Variants in TTC28 observed in about 807,000 individuals in gnomAD.
TTC28 encodes tetratricopeptide repeat protein 28.
In TTC28, 61 loss-of-function variants were observed where a neutral mutation model predicts 198.0. The ratio of observed to expected loss-of-function variants is 0.31; its 90% CI spans 0.25 to 0.38. TTC28 has a LOEUF of 0.38. TTC28 is among the 10% of genes least tolerant of loss of function. The pLI, the probability that TTC28 is intolerant of heterozygous loss-of-function variation, is 1.00. For missense variants in TTC28, 2,678 were observed against 3,164.0 expected (o/e 0.85, Z 3.69); for synonymous variants, 1,171 against 1,297.8 (o/e 0.90, Z 2.10).
intron 12 of TTC28, among the ~76,000 whole-genome samples, chr22:28,087,414 A>G (rs1302308573): frequency 6.6e-6 from 1 of 152,212 alleles, no homozygotes; most frequent in Non-Finnish European, 1.5e-5. Flanking sequence ...CAAAAACCAC[A>G]TGATTATCTC....
In TTC28 at chr22:28,001,499, G is replaced by A; in HGVS notation, c.4273C>T (p.Leu1425=). 5.8e-6 allele frequency: 9 copies of A among 1,551,482 alleles called. No individual in the cohort carries two copies. Residue 1425 remains leucine, a synonymous_variant, in exon 15 of 23, where the codon CTG becomes TTG. Transcript: ENST00000397906. The stretch of plus-strand genomic sequence containing the variant: ...GGAATGAGGTAGAGCTCCCCCTCCA[G>A]AACCAGGATGAGCTGCCGGTGCCGG... The part of the protein sequence containing the change: ...VGRHRQLILV[L]EGELYLIPFA...
chr22:27,984,401 T>C (rs1023245696), intron 22 of TTC28, among the ~76,000 whole-genome samples: 2 of 152,090 alleles, frequency 1.3e-5, no homozygotes, highest in African/African-American at 2.4e-5. Context: ...CCAGAGTCCA[T>C]TGCTCAGTTC....
intron 13 of TTC28, among the ~76,000 whole-genome samples, chr22:28,021,801 T>C (rs758337382): frequency 1.3e-5 from 2 of 152,018 alleles, no homozygotes; most frequent in Non-Finnish European, 2.9e-5. Context: ...TCTGTCTAGA[T>C]ATAGGGCCAG....
intron 12 of TTC28, among the ~76,000 whole-genome samples, chr22:28,043,694 T>TC (rs1168645422): frequency 2.0e-5 from 3 of 152,156 alleles, no homozygotes; most frequent in African/African-American, 7.2e-5. Context: ...TTATTAGAAA[T>TC]CCCCCTCTTT....
At position 28,274,194 on chromosome 22, in the gene TTC28, A is replaced by T. The variant is rs374651224; in HGVS notation, c.933+22004T>A. On this transcript the variant is annotated intron_variant, in intron 5 of 22. Transcript: ENST00000397906. ...AAGAAACGCTAATGAGTTACTGGTAACTCCAGTTTCTGATATGCAGAGAGG... is the reference window on the plus strand; with the variant it reads ...AAGAAACGCTAATGAGTTACTGGTATCTCCAGTTTCTGATATGCAGAGAGG... Among the ~76,000 whole-genome samples, 61 of 152,332 alleles carry T rather than the reference A, an allele frequency of 4.0e-4. 1 individual carries two copies. The East Asian group carries it at 0.01, about 26-fold the overall frequency.
At chr22:28,468,194 C>T (rs2048050362) in intron 2 of TTC28, among the ~76,000 whole-genome samples, 1 of 152,114 alleles carries the variant, frequency 6.6e-6, no homozygotes, top group African/African-American at 2.4e-5. Context: ...GGGCAATGAA[C>T]ACAATCCTCT....
chr22:28,154,356 CTTTTTT>C (rs559340098), intron 6 of TTC28, among the ~76,000 whole-genome samples: 1 of 115,574 alleles, frequency 8.7e-6, no homozygotes, highest in Admixed American at 8.7e-5. Flanking sequence ...TTTTCTTTTT[CTTTTTT>C]TTTTTTTGAG....
At chr22:28,344,092 T>C (rs1278255620) in intron 2 of TTC28, among the ~76,000 whole-genome samples, 1 of 151,658 alleles carries the variant, frequency 6.6e-6, no homozygotes, top group Non-Finnish European at 1.5e-5. Context: ...TGTGAAACAA[T>C]GTATTAACCA....
intron 12 of TTC28, among the ~76,000 whole-genome samples, chr22:28,048,821 C>G (rs1317385692): frequency 6.6e-6 from 1 of 152,136 alleles, no homozygotes; most frequent in Non-Finnish European, 1.5e-5. Context: ...TTGCCTAGGC[C>G]ATTCTCTTGA....
intron 2 of TTC28, among the ~76,000 whole-genome samples, chr22:28,449,447 T>C (rs2047747396): frequency 6.6e-6 from 1 of 152,234 alleles, no homozygotes; most frequent in Non-Finnish European, 1.5e-5. Context: ...TTTAACATTT[T>C]TTATTTCATT....
intron 6 of TTC28, among the ~76,000 whole-genome samples, chr22:28,152,317 C>T (rs1003984202): frequency 1.3e-5 from 2 of 152,144 alleles, no homozygotes; most frequent in African/African-American, 4.8e-5. Flanking sequence ...CATAACTCTT[C>T]TAGTGGTGCT....
At chr22:28,388,871 A>C (rs986410761) in intron 2 of TTC28, among the ~76,000 whole-genome samples, 1 of 152,152 alleles carries the variant, frequency 6.6e-6, no homozygotes, top group Non-Finnish European at 1.5e-5. Flanking sequence ...AGAACTTCCA[A>C]CACTATGTTG....
chr22:28,590,059 A>C (rs1300472195), intron 2 of TTC28, among the ~76,000 whole-genome samples: 3 of 139,962 alleles, frequency 2.1e-5, no homozygotes, highest in Admixed American at 1.4e-4. Context: ...AAAAAAAAAA[A>C]AAACACAGAA....
At chr22:28,321,049 T>G (rs2145847946) in intron 2 of TTC28, among the ~76,000 whole-genome samples, 1 of 152,328 alleles carries the variant, frequency 6.6e-6, no homozygotes, top group Middle Eastern at 3.4e-3. Flanking sequence ...AAGAGGAAAT[T>G]CACTTGAAAA....
intron 12 of TTC28, among the ~76,000 whole-genome samples, chr22:28,088,354 C>T (rs370219495): frequency 1.6e-4 from 25 of 151,998 alleles, no homozygotes; most frequent in South Asian, 6.2e-4. Context: ...TCAGAAATAA[C>T]GCCGCATATC....
intron 5 of TTC28, among the ~76,000 whole-genome samples, chr22:28,193,758 C>A (rs1418133360): frequency 6.6e-6 from 1 of 152,004 alleles, no homozygotes; most frequent in Non-Finnish European, 1.5e-5. Flanking sequence ...ATATATGCAC[C>A]CAATAAAGGA....
chr22:28,095,652 A>G (rs1351286247), intron 11 of TTC28, among the ~76,000 whole-genome samples: 4 of 152,236 alleles, frequency 2.6e-5, no homozygotes, highest in Non-Finnish European at 5.9e-5. Flanking sequence ...TGAACATTTA[A>G]TGCTGATTTA....
intron 1 of TTC28, among the ~76,000 whole-genome samples, chr22:28,636,634 G>C (rs953277187): frequency 6.6e-6 from 1 of 152,106 alleles, no homozygotes; most frequent in African/African-American, 2.4e-5. Flanking sequence ...GTGATGTTGA[G>C]CAGCTTTTCA....
intron 2 of TTC28, among the ~76,000 whole-genome samples, chr22:28,619,211 C>A (rs139075172): frequency 6.6e-6 from 1 of 152,092 alleles, no homozygotes; most frequent in African/African-American, 2.4e-5. Flanking sequence ...ACATTAATAA[C>A]CATGATGTAT....
Sources: gnomAD v4.1 joint callset for allele counts (sites outside exome capture counted in the v4.1 genomes callset) on GRCh38, gnomAD v4.1.1 for gene constraint, MANE v1.5 for transcripts, NCBI Gene and HGNC (gene_info 2026-07-23, HGNC 2026-07-21) for gene names.